The following TMEM178A variants were observed in gnomAD, a reference collection of about 807,000 sequenced individuals.
TMEM178A encodes the protein transmembrane protein 178A, also known as transmembrane protein 178.
A neutral mutation model predicts 29.1 loss-of-function variants in TMEM178A; 12 were observed. The ratio of observed to expected loss-of-function variants is 0.41; its 90% CI spans 0.26 to 0.67. The LOEUF is 0.67. TMEM178A is among the 30% of genes least tolerant of loss of function. TMEM178A has a pLI of 0.29. For synonymous variants in TMEM178A, 210 were observed against 187.2 expected (o/e 1.12, Z -0.99); for missense variants, 366 against 419.1 (o/e 0.87, Z 1.11).
chr2:39,698,528 A>G (rs1208449189), intron 1 of TMEM178A, among the ~76,000 whole-genome samples: 1 of 152,046 alleles, frequency 6.6e-6, no homozygotes, highest in Non-Finnish European at 1.5e-5. Flanking sequence ...ATGGTGTACA[A>G]CTCTTTTCAG....
intron 1 of TMEM178A, among the ~76,000 whole-genome samples, chr2:39,673,140 G>C (rs1670473217): frequency 6.8e-6 from 1 of 147,666 alleles, no homozygotes; most frequent in African/African-American, 2.4e-5. Context: ...CACGACCTCA[G>C]ATTGGCCATC....
chr2:39,711,791 CTTT>C (rs1672312572), intron 3 of TMEM178A, among the ~76,000 whole-genome samples: 1 of 152,070 alleles, frequency 6.6e-6, no homozygotes. Context: ...GGATCTAAAA[CTTT>C]TTATTTTAGA....
At chr2:39,681,859 G>T (rs1268687394) in intron 1 of TMEM178A, among the ~76,000 whole-genome samples, 1 of 152,186 alleles carries the variant, frequency 6.6e-6, no homozygotes. Context: ...ATATGATCAG[G>T]AGAATAACAT....
At chr2:39,692,998 A>G (rs771992831) in intron 1 of TMEM178A, among the ~76,000 whole-genome samples, 1 of 152,166 alleles carries the variant, frequency 6.6e-6, no homozygotes. Flanking sequence ...ACTCTAAAAA[A>G]AATTCATCAG....
At chr2:39,709,271 C>T (rs577408914) in intron 3 of TMEM178A, among the ~76,000 whole-genome samples, 1 of 152,318 alleles carries the variant, frequency 6.6e-6, no homozygotes, top group East Asian at 1.9e-4. Flanking sequence ...CCCACTCACC[C>T]CTATCCCACT....
At chr2:39,677,627 T>A (rs1157215597) in intron 1 of TMEM178A, among the ~76,000 whole-genome samples, 1 of 152,128 alleles carries the variant, frequency 6.6e-6, no homozygotes, top group Non-Finnish European at 1.5e-5. Context: ...GAAGCAGTTG[T>A]TCAGCAGTAT....
chr2:39,665,772 G>C (rs1037936207), upstream of TMEM178A: 20 of 423,252 alleles, frequency 4.7e-5, no homozygotes, highest in African/African-American at 3.8e-4. Flanking sequence ...GCCGGGCCGG[G>C]GGCGGGCGGG....
At chr2:39,718,836 A>C (rs1026148470), downstream of TMEM178A, among the ~76,000 whole-genome samples, 1 of 152,224 alleles carries the variant, frequency 6.6e-6, no homozygotes, top group Non-Finnish European at 1.5e-5. Flanking sequence ...GATTCTACAC[A>C]CAATGTAGGA....
chr2:39,733,599 C>G, the TMEM178A span, among the ~76,000 whole-genome samples: 8 of 152,094 alleles, frequency 5.3e-5, no homozygotes, highest in Admixed American at 6.5e-5. Context: ...AGGTGAAGTC[C>G]TTATTTACTT....
chr2:39,677,071 C>T (rs1016565805), intron 1 of TMEM178A, among the ~76,000 whole-genome samples: 9 of 152,120 alleles, frequency 5.9e-5, no homozygotes, highest in African/African-American at 2.2e-4. Flanking sequence ...TCAGAAGGTG[C>T]AGTTGCTATG....
rs114051568 is a variant in TMEM178A at position 39,698,227 on chromosome 2, G to A, written c.401-5854G>A. 6.2e-3 allele frequency among the ~76,000 whole-genome samples: 944 copies of A among 152,292 alleles called. 6 individuals carry two copies. Among genetic ancestry groups the A allele is most frequent in the African/African-American group, 0.021 (858 of 41,562 alleles). On this transcript the variant is annotated intron_variant, in intron 1 of 3. Coordinates refer to ENST00000281961, the MANE Select transcript of TMEM178A (RefSeq NM_152390.3). ...ATAGTATTTAATATATAGAGTTTGG[G>A]TAACAGCATTTATGTTAAAGCTTGG...
At chr2:39,710,637 A>T (rs549055843) in intron 3 of TMEM178A, among the ~76,000 whole-genome samples, 2 of 152,328 alleles carry the variant, frequency 1.3e-5, no homozygotes, top group South Asian at 4.1e-4. Flanking sequence ...CAACCATGTC[A>T]ATCTATTGCT....
the TMEM178A span, among the ~76,000 whole-genome samples, chr2:39,730,385 C>A: frequency 1.3e-5 from 2 of 152,162 alleles, no homozygotes; most frequent in African/African-American, 4.8e-5. Flanking sequence ...CCCCTTGCCT[C>A]TCCCTGGCAG....
chr2:39,720,001 T>G (rs1672671602), downstream of TMEM178A, among the ~76,000 whole-genome samples: 1 of 152,172 alleles, frequency 6.6e-6, no homozygotes, highest in South Asian at 2.1e-4. Flanking sequence ...CTGGTAAAGC[T>G]TATGTTCTAG....
chr2:39,669,373 G>A (rs1278538739), intron 1 of TMEM178A, among the ~76,000 whole-genome samples: 1 of 152,196 alleles, frequency 6.6e-6, no homozygotes, highest in Non-Finnish European at 1.5e-5. Flanking sequence ...ATTTCTGAGA[G>A]ATGTACAGGG....
chr2:39,722,121 A>C (rs1207418465), downstream of TMEM178A, among the ~76,000 whole-genome samples: 1 of 152,076 alleles, frequency 6.6e-6, no homozygotes, highest in Non-Finnish European at 1.5e-5. Context: ...CCCAGGAGAC[A>C]AAATTGTGCC....
Position 39,666,233 on chromosome 2 carries a change from C to G in TMEM178A, c.259C>G (p.Pro87Ala), listed in dbSNP as rs761065168. The G allele has an allele frequency of 4.7e-5, 64 of 1,349,512 alleles. No individual in the cohort carries two copies. In the Admixed American group the frequency reaches 8.3e-4, roughly 18 times the overall value. 83.6% of individuals were successfully genotyped at this position (1,349,512 alleles called of 1,614,324 possible). A position where few individuals can be genotyped will look rare whatever the true frequency, so the allele number is the denominator to read the frequency against. The change falls in exon 1 of 4, where the codon CCC (proline) becomes GCC (alanine). Residue 87 changes from proline to alanine, a missense_variant. By Grantham distance (27) the Pro-to-Ala change is conservative (BLOSUM62 -1). Transcript: ENST00000281961. ...CCCGGGCGGCCCGGGGCGCGCCGAC[C>G]CCGAGTCCTGGCGCTCGCTCCTGGG... ...LLPGGPGRAD[P>A]ESWRSLLGLG...
In TMEM178A at chr2:39,716,004, C is replaced by T. The variant is rs543853411; in HGVS notation, c.653-1006C>T. Among the ~76,000 whole-genome samples the T allele has an allele frequency of 7.5e-4, 114 of 152,248 alleles. 1 individual carries two copies. Among genetic ancestry groups the T allele is most frequent in the African/African-American group, 2.5e-3 (102 of 41,538 alleles). ...TTTCCAGTGGAGATGCTACGTGTATCCCTAAGGATGCCAAAGGAATTTTCC... is the reference window on the plus strand; with the variant it reads ...TTTCCAGTGGAGATGCTACGTGTATTCCTAAGGATGCCAAAGGAATTTTCC... On this transcript the variant is annotated intron_variant, in intron 3 of 3. Coordinates refer to ENST00000281961, the MANE Select transcript of TMEM178A (RefSeq NM_152390.3).
chr2:39,693,165 G>A (rs573238185), intron 1 of TMEM178A, among the ~76,000 whole-genome samples: 33 of 152,240 alleles, frequency 2.2e-4, no homozygotes, highest in African/African-American at 7.2e-4. Context: ...AACAACAAAA[G>A]TCATACAGGA....
Sources: allele counts gnomAD v4.1 joint callset (sites outside exome capture counted in the v4.1 genomes callset), GRCh38; gene constraint gnomAD v4.1.1; transcripts MANE v1.5; gene names NCBI Gene and HGNC (gene_info 2026-07-23, HGNC 2026-07-21).